Variants in RBFOX1 observed in about 807,000 individuals in gnomAD.
RBFOX1 encodes the protein RNA binding fox-1 homolog 1.
A neutral mutation model predicts 57.7 loss-of-function variants in RBFOX1; 8 were observed. The ratio of observed to expected loss-of-function variants is 0.14; its 90% CI spans 0.08 to 0.25. The LOEUF (loss-of-function observed/expected upper bound fraction) is 0.25. Among genes scored for constraint, RBFOX1 ranks in the 10% least tolerant of loss-of-function variants. The pLI is 1.00. For synonymous variants in RBFOX1, 326 were observed against 222.4 expected (o/e 1.47, Z -4.15); for missense variants, 611 against 548.5 (o/e 1.11, Z -1.14).
At chr16:7,047,047 C>CA in intron 3 of RBFOX1, among the ~76,000 whole-genome samples, 1 of 124,442 alleles carries the variant, frequency 8.0e-6, no homozygotes, top group South Asian at 2.6e-4. Flanking sequence ...ATGCAATTTC[C>CA]TTTTTTTTTT....
At chr16:5,984,962 ATATATATATATATATT>A (rs1197089670) in intron 4 of RBFOX1, among the ~76,000 whole-genome samples, 10 of 38,182 alleles carry the variant, frequency 2.6e-4, no homozygotes, top group African/African-American at 1.0e-3. Flanking sequence ...ATATATATAT[ATATATATATATATATT>A]TTTTTTTTTT....
chr16:5,909,721 C>G (rs527244704), intron 4 of RBFOX1, among the ~76,000 whole-genome samples: 2 of 152,174 alleles, frequency 1.3e-5, no homozygotes, highest in Non-Finnish European at 2.9e-5. Flanking sequence ...AACTGGGGAA[C>G]AAGCCCAGCC....
chr16:7,700,326 G>A (rs764778129), intron 14 of RBFOX1, among the ~76,000 whole-genome samples: 8 of 152,084 alleles, frequency 5.3e-5, no homozygotes, highest in African/African-American at 7.2e-5. Context: ...AGCCTTGTAC[G>A]ATGAGGATGC....
At chr16:6,882,082 C>G (rs566296481) in intron 3 of RBFOX1, among the ~76,000 whole-genome samples, 1 of 152,176 alleles carries the variant, frequency 6.6e-6, no homozygotes, top group South Asian at 2.1e-4. Context: ...TTTCAGTGGC[C>G]CCCTATTCCC....
chr16:7,368,710 A>G (rs2097511221), intron 4 of RBFOX1, among the ~76,000 whole-genome samples: 1 of 151,494 alleles, frequency 6.6e-6, no homozygotes, highest in African/African-American at 2.4e-5. Flanking sequence ...AACCTGGGAG[A>G]CAGAGCTTGC....
intron 4 of RBFOX1, among the ~76,000 whole-genome samples, chr16:7,329,661 T>A (rs192550808): frequency 3.2e-4 from 49 of 152,284 alleles, no homozygotes; most frequent in African/African-American, 1.1e-3. Context: ...GACAATAATA[T>A]ATAAATACAA....
At chr16:7,610,139 T>TTTTTTTTTTTTTTTTG (rs2057174916) in intron 10 of RBFOX1, among the ~76,000 whole-genome samples, 4 of 127,722 alleles carry the variant, frequency 3.1e-5, no homozygotes, top group South Asian at 2.6e-4. Context: ...TTTTTTTTTT[T>TTTTTTTTTTTTTTTTG]GAGGCAGTTT....
chr16:5,398,295 TTATG>T (rs1463365013), intron 1 of RBFOX1, among the ~76,000 whole-genome samples: 2 of 149,200 alleles, frequency 1.3e-5, no homozygotes, highest in Admixed American at 1.3e-4. Context: ...GCATGTGTGC[TTATG>T]TGTGTGTGCA....
chr16:7,586,318 G>A (rs11077200), intron 6 of RBFOX1, among the ~76,000 whole-genome samples: 32,170 of 152,054 alleles, frequency 0.21, 4,345 homozygotes, highest in Non-Finnish European at 0.29. Flanking sequence ...TTCCAAGGTT[G>A]GGGGAAAGGA....
intron 5 of RBFOX1, among the ~76,000 whole-genome samples, chr16:7,568,438 G>A (rs1264843115): frequency 2.0e-5 from 3 of 152,104 alleles, no homozygotes; most frequent in South Asian, 2.1e-4. Flanking sequence ...AATGCATTGT[G>A]ATTAGTGTAT....
intron 4 of RBFOX1, among the ~76,000 whole-genome samples, chr16:7,438,890 A>C (rs1165553881): frequency 6.6e-6 from 1 of 152,210 alleles, no homozygotes; most frequent in African/African-American, 2.4e-5. Flanking sequence ...TCTATACTGC[A>C]TGAATCCCCC....
intron 3 of RBFOX1, among the ~76,000 whole-genome samples, chr16:6,717,611 G>A (rs1423511068): frequency 3.3e-5 from 5 of 151,456 alleles, no homozygotes; most frequent in Admixed American, 3.3e-4. Context: ...CAGAAATACG[G>A]TGATTTTTTA....
rs139518667 is a variant in RBFOX1 at position 6,884,520 on chromosome 16, A to C, written c.-15-167537A>C. On this transcript the variant is annotated intron_variant, in intron 3 of 15. Transcript: ENST00000550418. The stretch of plus-strand genomic sequence containing the variant: ...ATTTGCAAGGAACTGTGTTGATGAC[A>C]TGTTACATGTACATCATCTGTTACA... Among the ~76,000 whole-genome samples, 913 of 152,318 alleles carry C rather than the reference A, an allele frequency of 6.0e-3. 14 individuals are homozygous for C. The highest frequency in any genetic ancestry group is 0.021 in the African/African-American group (863 of 41,562).
At chr16:7,447,715 C>T (rs986463979) in intron 4 of RBFOX1, among the ~76,000 whole-genome samples, 1 of 152,212 alleles carries the variant, frequency 6.6e-6, no homozygotes, top group African/African-American at 2.4e-5. Flanking sequence ...TCACTATCCT[C>T]TTCTTTTATT....
chr16:5,372,515 C>G (rs2065882790), intron 1 of RBFOX1, among the ~76,000 whole-genome samples: 1 of 152,178 alleles, frequency 6.6e-6, no homozygotes, highest in Non-Finnish European at 1.5e-5. Flanking sequence ...GACTCTGATT[C>G]CTCCACGTGT....
intron 4 of RBFOX1, among the ~76,000 whole-genome samples, chr16:7,467,710 C>T (rs1250201285): frequency 6.6e-6 from 1 of 152,222 alleles, no homozygotes; most frequent in African/African-American, 2.4e-5. Context: ...AAACTCGGAT[C>T]TGTCTACTGG....
intron 2 of RBFOX1, among the ~76,000 whole-genome samples, chr16:6,558,436 A>G (rs987865057): frequency 5.9e-5 from 9 of 152,166 alleles, no homozygotes; most frequent in African/African-American, 4.8e-5. Flanking sequence ...TTTAGAAAAC[A>G]TGGATTTCCT....
At chr16:6,433,031 C>G (rs1321409037) in intron 2 of RBFOX1, among the ~76,000 whole-genome samples, 1 of 152,110 alleles carries the variant, frequency 6.6e-6, no homozygotes, top group East Asian at 1.9e-4. Context: ...ATCATGCTGT[C>G]TTACTTGTGA....
intron 4 of RBFOX1, among the ~76,000 whole-genome samples, chr16:5,992,096 A>G (rs2060410144): frequency 6.6e-6 from 1 of 152,200 alleles, no homozygotes; most frequent in East Asian, 1.9e-4. Context: ...ATCCTTCACC[A>G]AACTGTGATC....
Sources: allele counts gnomAD v4.1 joint callset (sites outside exome capture counted in the v4.1 genomes callset), GRCh38; gene constraint gnomAD v4.1.1; transcripts MANE v1.5; gene names NCBI Gene and HGNC (gene_info 2026-07-23, HGNC 2026-07-21).